TIAM1: variants seen among roughly 807,000 people sequenced by gnomAD.
TIAM1 encodes rho guanine nucleotide exchange factor TIAM1.
A neutral mutation model predicts 163.5 loss-of-function variants in TIAM1; 65 were observed. The observed-to-expected ratio is 0.40, with a 90% confidence interval of 0.33 to 0.49. TIAM1 has a LOEUF of 0.49. Ranked by LOEUF, TIAM1 falls within the 20% of genes least tolerant of loss-of-function variation. TIAM1 has a pLI of 0.77. For synonymous variants in TIAM1, 833 were observed against 810.1 expected, an observed-to-expected ratio of 1.03 and a Z score of -0.48; for missense variants, 1,789 against 2,044.7, an observed-to-expected ratio of 0.87 and a Z score of 2.41.
At chr21:31,475,101 G>A (rs1285162010) in intron 1 of TIAM1, among the ~76,000 whole-genome samples, 1 of 150,794 alleles carries the variant, frequency 6.6e-6, no homozygotes, top group African/African-American at 2.4e-5. Context: ...TCCCAGGCTG[G>A]AGTGCAGTGG....
chr21:31,535,900 G>C (rs2048117172), intron 1 of TIAM1, among the ~76,000 whole-genome samples: 1 of 152,180 alleles, frequency 6.6e-6, no homozygotes, highest in South Asian at 2.1e-4. Flanking sequence ...CCATGCCAGG[G>C]ACAGGGATGA....
At chr21:31,381,341 T>C (rs2076775662) in intron 2 of TIAM1, among the ~76,000 whole-genome samples, 1 of 152,004 alleles carries the variant, frequency 6.6e-6, no homozygotes, top group Non-Finnish European at 1.5e-5. Flanking sequence ...CTAGACAACA[T>C]GCTGAAACCC....
At chr21:31,297,936 T>C (rs1427237353) in intron 2 of TIAM1, among the ~76,000 whole-genome samples, 1 of 152,190 alleles carries the variant, frequency 6.6e-6, no homozygotes, top group Non-Finnish European at 1.5e-5. Context: ...GATACATATA[T>C]TATGGCAATA....
chr21:31,152,499 C>T, intron 19 of TIAM1, 137 bp downstream of exon 19: 3 of 1,206,054 alleles, frequency 2.5e-6, no homozygotes, highest in Non-Finnish European at 3.5e-6. Context: ...GCAAGACACA[C>T]TCCATTCCCC....
intron 2 of TIAM1, among the ~76,000 whole-genome samples, chr21:31,314,738 A>G (rs2075046743): frequency 6.6e-6 from 1 of 152,136 alleles, no homozygotes; most frequent in Admixed American, 6.5e-5. Context: ...AGCTATTTGT[A>G]TTTTTAAAAC....
At chr21:31,544,207 A>C (rs2123287279) in intron 1 of TIAM1, among the ~76,000 whole-genome samples, 1 of 151,738 alleles carries the variant, frequency 6.6e-6, no homozygotes, top group Admixed American at 6.6e-5. Flanking sequence ...GATGGTCTCA[A>C]AAAATAAATA....
At chr21:31,426,435 G>A (rs760506811) in intron 2 of TIAM1, among the ~76,000 whole-genome samples, 11 of 152,090 alleles carry the variant, frequency 7.2e-5, no homozygotes, top group Admixed American at 3.3e-4. Context: ...TCACTTCCAC[G>A]GTTTGTGAAA....
intron 2 of TIAM1, among the ~76,000 whole-genome samples, chr21:31,380,842 G>T (rs1208487439): frequency 1.3e-5 from 2 of 152,110 alleles, no homozygotes; most frequent in Non-Finnish European, 2.9e-5. Flanking sequence ...CATTGTACCG[G>T]ATCGGTTAGG....
intron 15 of TIAM1, among the ~76,000 whole-genome samples, chr21:31,168,997 A>T (rs1422366477): frequency 4.6e-5 from 7 of 152,200 alleles, no homozygotes; most frequent in Non-Finnish European, 7.3e-5. Context: ...ATATTTTTTT[A>T]AAAGAAGAAA....
chr21:31,444,768 G>T (rs1256299642), intron 2 of TIAM1, among the ~76,000 whole-genome samples: 1 of 152,176 alleles, frequency 6.6e-6, no homozygotes, highest in African/African-American at 2.4e-5. Context: ...GGAGGCCAAG[G>T]TGGGCGGAAC....
chr21:31,170,845 G>A (rs1568961860), intron 15 of TIAM1, among the ~76,000 whole-genome samples: 2 of 151,822 alleles, frequency 1.3e-5, no homozygotes, highest in African/African-American at 2.4e-5. Flanking sequence ...AGACCAGCCT[G>A]ACCAACATGG....
rs78870619 is a variant in TIAM1 at position 31,317,103 on chromosome 21, A to T, written c.-189+22140T>A. ...ATTAAGCAGGAAAAAGAGCTTCTCA[A>T]ATCCCCGTAAGCTCTGTCCTCTCCA... On this transcript the variant is annotated intron_variant, in intron 2 of 27. Coordinates refer to ENST00000541036, the MANE Select transcript of TIAM1 (RefSeq NM_001353694.2). 4.8e-3 allele frequency among the ~76,000 whole-genome samples: 732 copies of T among 152,304 alleles called. 5 individuals carry two copies. The highest frequency in any genetic ancestry group is 0.016 in the African/African-American group (681 of 41,570).
intron 2 of TIAM1, among the ~76,000 whole-genome samples, chr21:31,356,822 A>C (rs1027888162): frequency 4.6e-5 from 7 of 152,206 alleles, no homozygotes; most frequent in Admixed American, 4.6e-4. Flanking sequence ...CTCCTTAAGA[A>C]ATGTAGATTC....
At chr21:31,385,633 C>T (rs2076852835) in intron 2 of TIAM1, among the ~76,000 whole-genome samples, 1 of 148,944 alleles carries the variant, frequency 6.7e-6, no homozygotes, top group African/African-American at 2.5e-5. Context: ...CCCAAAACTA[C>T]AAAATAATAA....
intron 2 of TIAM1, among the ~76,000 whole-genome samples, chr21:31,382,893 T>C (rs866642377): frequency 2.0e-5 from 3 of 152,216 alleles, no homozygotes; most frequent in Non-Finnish European, 4.4e-5. Context: ...CGAATTACCA[T>C]TATGCACTTA....
chr21:31,556,181 G>C (rs749686784), intron 1 of TIAM1, among the ~76,000 whole-genome samples: 1 of 152,146 alleles, frequency 6.6e-6, no homozygotes, highest in Non-Finnish European at 1.5e-5. Context: ...AGAATTCCCA[G>C]AACAAGTACA....
intron 6 of TIAM1, among the ~76,000 whole-genome samples, chr21:31,230,895 C>T (rs896209895): frequency 7.2e-5 from 11 of 151,832 alleles, no homozygotes; most frequent in Non-Finnish European, 1.2e-4. Flanking sequence ...CCTAAACTCC[C>T]GACCTCAGAT....
At chr21:31,392,496 G>A (rs2076982974) in intron 2 of TIAM1, among the ~76,000 whole-genome samples, 1 of 151,364 alleles carries the variant, frequency 6.6e-6, no homozygotes, top group South Asian at 2.1e-4. Flanking sequence ...CTTGAACCCG[G>A]GAGGCAAAGG....
chr21:31,358,970 C>G (rs1245756470), intron 2 of TIAM1, among the ~76,000 whole-genome samples: 1 of 152,210 alleles, frequency 6.6e-6, no homozygotes, highest in Non-Finnish European at 1.5e-5. Context: ...GTTCATGCCA[C>G]TGAAGCCACA....
Sources: allele counts gnomAD v4.1 joint callset (sites outside exome capture counted in the v4.1 genomes callset), GRCh38; gene constraint gnomAD v4.1.1; transcripts MANE v1.5; gene names NCBI Gene and HGNC (gene_info 2026-07-23, HGNC 2026-07-21).